Variants in RAET1E observed in about 807,000 individuals in gnomAD.
RAET1E encodes the protein retinoic acid early transcript 1E, also known as NKG2D ligand 4.
In RAET1E, 27 loss-of-function variants were observed where a neutral mutation model predicts 21.1. That is an observed-to-expected ratio of 1.28 (90% confidence interval 0.94 to 1.76). RAET1E has a LOEUF of 1.76. Among genes scored for constraint, RAET1E ranks in the 40% most tolerant of loss-of-function variants. The probability of loss-of-function intolerance (pLI) is 0.00; values close to 1 mark genes in which losing one functional copy is unlikely to be tolerated. For synonymous variants in RAET1E, 113 were observed against 115.0 expected (o/e 0.98, Z 0.11); for missense variants, 310 against 311.3 (o/e 1.00, Z 0.03).
In RAET1E at chr6:149,890,096, A is replaced by T. The variant is rs1346223163; in HGVS notation, c.135T>A (p.Pro45=). Residue 45 remains proline (P), a synonymous_variant, in exon 4 of 6, where the codon CCT becomes CCA. Coordinates refer to ENST00000357183, the MANE Select transcript of RAET1E (RefSeq NM_001394057.1). Reference sequence around the variant, plus strand: ...CCTGCGCTTCACACCAGGGCTGTCCAGGTCTGGACAATGATTTTATAGTGA... The same window carrying T: ...CCTGCGCTTCACACCAGGGCTGTCCTGGTCTGGACAATGATTTTATAGTGA... ...FNFTIKSLSR[P]GQPWCEAQVF... is the part of the protein sequence containing the mutation. 6.2e-7 allele frequency: 1 copy of T among 1,614,136 alleles called. No individual in the cohort carries two copies. The highest frequency in any genetic ancestry group is 1.7e-5 in the Admixed American group (1 of 60,020).
intron 1 of RAET1E, among the ~76,000 whole-genome samples, chr6:149,896,513 AGTGGAGCCTG>A (rs1778119531): frequency 6.6e-6 from 1 of 152,084 alleles, no homozygotes; most frequent in Non-Finnish European, 1.5e-5. Context: ...ATCTGTCCTG[AGTGGAGCCTG>A]TTCTGTACAC....
chr6:149,897,450 G>C (rs1778160046), intron 1 of RAET1E, among the ~76,000 whole-genome samples: 1 of 152,202 alleles, frequency 6.6e-6, no homozygotes, highest in African/African-American at 2.4e-5. Flanking sequence ...AGTCCAAAGA[G>C]AGACGAAAAT....
chr6:149,884,565 T>C lies in RAET1E; in HGVS notation c.*3933A>G, dbSNP rs1396321047. Reference sequence around the variant, plus strand: ...GTCAGATCAGCTCAGGATTGACCCCTCCGTGATCTCTCAGGACTCAGATCC... The same window carrying C: ...GTCAGATCAGCTCAGGATTGACCCCCCCGTGATCTCTCAGGACTCAGATCC... On this transcript the variant is annotated 3_prime_UTR_variant, in exon 6 of 6. Transcript: ENST00000357183. 6.2e-6 allele frequency: 9 copies of C among 1,448,756 alleles called. No homozygotes were observed. The East Asian group carries it at 2.2e-4, about 36-fold the overall frequency. 89.7% of individuals were successfully genotyped at this position (1,448,756 alleles called of 1,614,324 possible).
At chr6:149,892,170 G>A (rs551243384) in intron 2 of RAET1E, among the ~76,000 whole-genome samples, 68 of 152,286 alleles carry the variant, frequency 4.5e-4, no homozygotes, top group Non-Finnish European at 5.0e-4. Context: ...ATAAACATAC[G>A]TGTGCGTGTG....
Position 149,889,330 on chromosome 6 carries a change from C to T in RAET1E, c.622+18G>A. The T allele has an allele frequency of 1.2e-6, 2 of 1,613,324 alleles. No individual in the cohort carries two copies. The highest frequency in any genetic ancestry group is 1.7e-6 in the Non-Finnish European group (2 of 1,179,722). On this transcript the variant is annotated intron_variant, in intron 5 of 5. Coordinates refer to ENST00000357183, the MANE Select transcript of RAET1E (RefSeq NM_001394057.1). ...CCTTTAAAGGGAGCTGCCACATTCT[C>T]CCACCCAGCTCAGTTACCTGTCGGT...
Position 149,888,476 on chromosome 6 carries a change from C to A in RAET1E, c.*22G>T. ...GGGCTTGGATGAGACCCATGATTCA[C>A]CTCTCTTGAGTCCTTACCAGACTAA... On this transcript the variant is annotated 3_prime_UTR_variant, in exon 6 of 6. Coordinates refer to ENST00000357183, the MANE Select transcript of RAET1E (RefSeq NM_001394057.1). 6.2e-7 allele frequency: 1 copy of A among 1,606,840 alleles called. No homozygotes were observed. Among genetic ancestry groups the A allele is most frequent in the Non-Finnish European group, 8.5e-7 (1 of 1,176,370 alleles).
In RAET1E at chr6:149,887,662, TA is replaced by T. The variant is rs1430566426; in HGVS notation, c.*835del. 6.6e-6 allele frequency among the ~76,000 whole-genome samples: 1 copy of T among 152,132 alleles called. No homozygotes were observed. The highest frequency in any genetic ancestry group is 2.4e-5 in the African/African-American group (1 of 41,422). On this transcript the variant is annotated 3_prime_UTR_variant, in exon 6 of 6. Coordinates refer to ENST00000357183, the MANE Select transcript of RAET1E (RefSeq NM_001394057.1). ...AGATGGAGTAGCCTATTTTTCTCATTAGAGGGAATCCTAACTTTGAACTCCA... is the reference window on the plus strand; with the variant it reads ...AGATGGAGTAGCCTATTTTTCTCATTGAGGGAATCCTAACTTTGAACTCCA...
chr6:149,883,487 C>T lies in RAET1E; in HGVS notation c.*5011G>A, dbSNP rs781520638. On this transcript the variant is annotated 3_prime_UTR_variant, in exon 6 of 6. Coordinates refer to ENST00000357183, the MANE Select transcript of RAET1E (RefSeq NM_001394057.1). ...TGAGGGGGGCAGATCACCTGAGGTC[C>T]GTAGTTCGAGACCAGCCTGGCCAAC... 6 of 151,756 alleles carry T rather than the reference C, an allele frequency of 4.0e-5. No homozygotes were observed. In the East Asian group the frequency reaches 7.7e-4, roughly 20 times the overall value. The allele number at this position is 151,756 out of a possible 1,614,324, so 9.4% of individuals were successfully genotyped here. A position where few individuals can be genotyped will look rare whatever the true frequency, so the allele number is the denominator to read the frequency against.
Position 149,889,545 on chromosome 6 carries a change from G to A in RAET1E, c.425C>T (p.Thr142Ile), listed in dbSNP as rs9371533. The A allele has an allele frequency of 0.45, 732,486 of 1,613,440 alleles. 178,847 individuals are homozygous for A. The highest frequency in any genetic ancestry group is 0.88 in the East Asian group (39,486 of 44,826). ...RCTGASWQFA[T>I]NGEKSLLFDA... ...AAAGAGGAGGGATTTCTCTCCATTG[G>A]TGGCGAACTGCCAGGATGCACCAGT... Residue 142 changes from threonine to isoleucine, a missense_variant, in exon 5 of 6, where the codon ACC (threonine) becomes ATC (isoleucine). Physicochemically the swap from Thr to Ile is moderately conservative, Grantham distance 89 (BLOSUM62 -1). Transcript: ENST00000357183.
intron 2 of RAET1E, chr6:149,895,484 C>A (rs914503636): frequency 6.6e-6 from 1 of 152,238 alleles, no homozygotes; most frequent in African/African-American, 2.4e-5. Context: ...GTTTTGTTTA[C>A]ACTGTGACCT....
intron 5 of RAET1E, chr6:149,889,044 G>T: frequency 7.5e-7 from 1 of 1,327,452 alleles, no homozygotes; most frequent in Non-Finnish European, 9.7e-7. Flanking sequence ...AATTATAATA[G>T]AGGAAGAGAA....
In RAET1E at chr6:149,888,669, TAA is replaced by T. The variant is rs3036672; in HGVS notation, c.623-4_623-3del. The T allele has an allele frequency of 0.022, 28,778 of 1,279,484 alleles. No homozygotes were observed. The highest frequency in any genetic ancestry group is 0.031 in the Admixed American group (806 of 25,850). The allele number at this position is 1,279,484 out of a possible 1,614,324, so 79.3% of individuals were successfully genotyped here. A position where few individuals can be genotyped will look rare whatever the true frequency, so the allele number is the denominator to read the frequency against. ...TATCTGAAGCATTTACTGGTGACAC[TAA>T]AAAAAAAAAAAAAAAGAAAAAAAAG... On this transcript the variant is annotated splice_polypyrimidine_tract_variant and splice_region_variant and intron_variant, in intron 5 of 5. Coordinates refer to ENST00000357183, the MANE Select transcript of RAET1E (RefSeq NM_001394057.1).
At chr6:149,890,793 A>C (rs1452730429) in intron 3 of RAET1E, 24 bp downstream of exon 3, 1 of 1,552,878 alleles carries the variant, frequency 6.4e-7, no homozygotes, top group African/African-American at 1.4e-5. Context: ...GTCCTCAGCC[A>C]GTTCTTGTGC....
chr6:149,886,973 T>C lies in RAET1E; in HGVS notation c.*1525A>G, dbSNP rs1190479649. 2.0e-5 allele frequency among the ~76,000 whole-genome samples: 3 copies of C among 152,132 alleles called. No individual in the cohort carries two copies. Among genetic ancestry groups the C allele is most frequent in the Non-Finnish European group, 4.4e-5 (3 of 68,010 alleles). On this transcript the variant is annotated 3_prime_UTR_variant, in exon 6 of 6. Coordinates refer to ENST00000357183, the MANE Select transcript of RAET1E (RefSeq NM_001394057.1). ...GAGGCCCTCCCCAAAGGGTGGCAGATATATTTTTTTCCCCTTGAATTGTAA... is the reference window on the plus strand; with the variant it reads ...GAGGCCCTCCCCAAAGGGTGGCAGACATATTTTTTTCCCCTTGAATTGTAA...
chr6:149,884,442 A>C lies in RAET1E; in HGVS notation c.*4056T>G. On this transcript the variant is annotated 3_prime_UTR_variant, in exon 6 of 6. Coordinates refer to ENST00000357183, the MANE Select transcript of RAET1E (RefSeq NM_001394057.1). ...GCAGTGGGAGCCAAGGCTGTCAGCG[A>C]TCGAGGACCACAGGTGAACAACTCT... 6.5e-7 allele frequency: 1 copy of C among 1,529,602 alleles called. No homozygotes were observed. The highest frequency in any genetic ancestry group is 2.4e-5 in the East Asian group (1 of 40,838). The allele number at this position is 1,529,602 out of a possible 1,614,324, so 94.8% of individuals were successfully genotyped here.
At position 149,887,635 on chromosome 6, in the gene RAET1E, T is replaced by G. The variant is rs1411965631; in HGVS notation, c.*863A>C. Among the ~76,000 whole-genome samples the G allele has an allele frequency of 6.6e-6, 1 of 152,004 alleles. No individual in the cohort carries two copies. The highest frequency in any genetic ancestry group is 1.5e-5 in the Non-Finnish European group (1 of 68,020). ...ATCAGAAACATTGATCCTCAGTGAG[T>G]CAGATGGAGTAGCCTATTTTTCTCA... On this transcript the variant is annotated 3_prime_UTR_variant, in exon 6 of 6. Coordinates refer to ENST00000357183, the MANE Select transcript of RAET1E (RefSeq NM_001394057.1).
chr6:149,896,360 G>A (rs190733241), intron 1 of RAET1E: 1 of 152,412 alleles, frequency 6.6e-6, no homozygotes, highest in East Asian at 1.9e-4. Context: ...TGTCTGCTCA[G>A]AGGACAGTGG....
At chr6:149,888,814 C>T in intron 5 of RAET1E, 147 bp from the exon 6 acceptor site, 2 of 1,264,446 alleles carry the variant, frequency 1.6e-6, no homozygotes, top group Non-Finnish European at 2.1e-6. Context: ...GCCACTCTAC[C>T]AGGCCCTGGG....
At chr6:149,890,609 C>T (rs1777848348) in intron 3 of RAET1E, among the ~76,000 whole-genome samples, 1 of 152,182 alleles carries the variant, frequency 6.6e-6, no homozygotes, top group African/African-American at 2.4e-5. Flanking sequence ...CATTGTAGAA[C>T]TGCCCTCTGT....
Sources: allele counts gnomAD v4.1 joint callset (sites outside exome capture counted in the v4.1 genomes callset), GRCh38; gene constraint gnomAD v4.1.1; transcripts MANE v1.5; gene names NCBI Gene and HGNC (gene_info 2026-07-23, HGNC 2026-07-21).